Variants in UNC13C observed in about 807,000 individuals in gnomAD.
UNC13C encodes unc-13 homolog C.
In UNC13C, 174 loss-of-function variants were observed where a neutral mutation model predicts 245.4. The observed-to-expected ratio is 0.71, with a 90% confidence interval of 0.63 to 0.80. The LOEUF is 0.80. Ranked by LOEUF, UNC13C falls within the 30% of genes least tolerant of loss-of-function variation. UNC13C has a pLI of 0.00. For missense variants in UNC13C, 2,829 were observed against 2,602.9 expected (o/e 1.09, Z -1.89); for synonymous variants, 992 against 895.1 (o/e 1.11, Z -1.93).
chr15:54,225,561 T>C (rs1427228195), intron 4 of UNC13C, among the ~76,000 whole-genome samples: 1 of 152,214 alleles, frequency 6.6e-6, no homozygotes. Flanking sequence ...TTTTATTCTC[T>C]TCGTAGCAAA....
chr15:53,954,586 T>C, the UNC13C span, among the ~76,000 whole-genome samples: 1 of 152,328 alleles, frequency 6.6e-6, no homozygotes, highest in Non-Finnish European at 1.5e-5. Context: ...TGTCACCGTA[T>C]GTTTTCACAA....
intron 29 of UNC13C, among the ~76,000 whole-genome samples, chr15:54,561,094 A>G (rs530462043): frequency 1.3e-5 from 2 of 151,878 alleles, no homozygotes; most frequent in East Asian, 2.0e-4. Context: ...TCCCCAAGCA[A>G]TAGTTCAAAT....
chr15:54,161,547 A>G (rs542268743), intron 4 of UNC13C, among the ~76,000 whole-genome samples: 5 of 152,216 alleles, frequency 3.3e-5, no homozygotes, highest in African/African-American at 1.2e-4. Flanking sequence ...TTATATTGGG[A>G]ATAAATATCA....
At chr15:53,872,168 C>T in the UNC13C span, among the ~76,000 whole-genome samples, 1 of 152,140 alleles carries the variant, frequency 6.6e-6, no homozygotes, top group African/African-American at 2.4e-5. Context: ...TCAGTAGATT[C>T]CACCATATGC....
intron 31 of UNC13C, among the ~76,000 whole-genome samples, chr15:54,622,963 A>G (rs767389112): frequency 2.0e-5 from 3 of 152,196 alleles, no homozygotes; most frequent in Admixed American, 6.6e-5. Flanking sequence ...GGGCTGCCCA[A>G]TATATTTCAG....
chr15:54,614,384 T>C (rs1391019825), intron 30 of UNC13C, among the ~76,000 whole-genome samples: 2 of 151,944 alleles, frequency 1.3e-5, no homozygotes, highest in Admixed American at 6.6e-5. Flanking sequence ...TTCAAAGAAT[T>C]TGAATCTCTT....
At chr15:54,057,548 T>A (rs1897591230) in intron 2 of UNC13C, among the ~76,000 whole-genome samples, 1 of 151,978 alleles carries the variant, frequency 6.6e-6, no homozygotes, top group East Asian at 1.9e-4. Flanking sequence ...ATTAGACAGA[T>A]CAACAAGACA....
chr15:54,314,072 C>CAA (rs11316411), intron 13 of UNC13C, among the ~76,000 whole-genome samples: 1 of 137,838 alleles, frequency 7.3e-6, no homozygotes. Flanking sequence ...TATGTGGCAT[C>CAA]AAAAAAAAAA....
At chr15:54,426,591 G>C (rs1433235296) in intron 19 of UNC13C, among the ~76,000 whole-genome samples, 1 of 151,614 alleles carries the variant, frequency 6.6e-6, no homozygotes, top group Non-Finnish European at 1.5e-5. Context: ...CAAGTCATTA[G>C]GTCAAGTCTA....
At chr15:53,844,373 G>A in the UNC13C span, among the ~76,000 whole-genome samples, 5 of 152,144 alleles carry the variant, frequency 3.3e-5, no homozygotes, top group African/African-American at 1.2e-4. Context: ...CAATGAGAGA[G>A]AAATACTTTG....
chr15:54,609,954 C>T (rs560950011), intron 30 of UNC13C, among the ~76,000 whole-genome samples: 1 of 152,068 alleles, frequency 6.6e-6, no homozygotes, highest in Non-Finnish European at 1.5e-5. Context: ...CTCATGATAA[C>T]TCACTCACTG....
chr15:54,051,025 T>C (rs1897248093), intron 2 of UNC13C: 1 of 388,908 alleles, frequency 2.6e-6, no homozygotes, highest in African/African-American at 2.1e-5. Flanking sequence ...TCTTGACTAT[T>C]AGTCTTTTAA....
chr15:54,582,782 TGTTAAACAGGATAA>T (rs1291239062), intron 30 of UNC13C, among the ~76,000 whole-genome samples: 1 of 152,180 alleles, frequency 6.6e-6, no homozygotes, highest in Non-Finnish European at 1.5e-5. Flanking sequence ...CCTGACTCCT[TGTTAAACAGGATAA>T]TGGTTTTCAG....
In UNC13C at chr15:54,165,376, C is replaced by G. The variant is rs139503373; in HGVS notation, c.3071+21692C>G. ...TGTTATAAGCGCTATGTGTCAGGTACTAGTATTTTTTATCCCATTATTTCA... is the reference window on the plus strand; with the variant it reads ...TGTTATAAGCGCTATGTGTCAGGTAGTAGTATTTTTTATCCCATTATTTCA... On this transcript the variant is annotated intron_variant, in intron 4 of 32. Coordinates refer to ENST00000260323, the MANE Select transcript of UNC13C (RefSeq NM_001080534.3). Among the ~76,000 whole-genome samples the G allele has an allele frequency of 8.2e-3, 1,242 of 152,142 alleles. 20 individuals carry two copies. Among genetic ancestry groups the G allele is most frequent in the African/African-American group, 0.029 (1,186 of 41,510 alleles).
intron 1 of UNC13C, among the ~76,000 whole-genome samples, chr15:54,011,430 T>G (rs1011853650): frequency 6.6e-6 from 1 of 152,190 alleles, no homozygotes; most frequent in Non-Finnish European, 1.5e-5. Context: ...GACCAAAGAT[T>G]TTGGATTGAG....
chr15:54,433,254 A>G (rs1352483115), intron 19 of UNC13C, among the ~76,000 whole-genome samples: 1 of 152,108 alleles, frequency 6.6e-6, no homozygotes, highest in South Asian at 2.1e-4. Flanking sequence ...TCATCCTGAT[A>G]CCAAAACCTG....
chr15:54,436,899 A>G (rs1890251814), intron 19 of UNC13C, among the ~76,000 whole-genome samples: 1 of 151,976 alleles, frequency 6.6e-6, no homozygotes, highest in African/African-American at 2.4e-5. Context: ...CTATGCAGTT[A>G]TCGTATTAAT....
chr15:54,548,292 G>T (rs1460466067), intron 27 of UNC13C, among the ~76,000 whole-genome samples: 1 of 140,168 alleles, frequency 7.1e-6, no homozygotes, highest in African/African-American at 2.6e-5. Context: ...CGCGATCTCG[G>T]CTCACTGCAA....
chr15:54,305,056 A>G (rs2037691351), intron 13 of UNC13C, among the ~76,000 whole-genome samples: 1 of 152,106 alleles, frequency 6.6e-6, no homozygotes, highest in Non-Finnish European at 1.5e-5. Context: ...CACGACTTAC[A>G]AATTGAAATT....
Sources: allele counts gnomAD v4.1 joint callset (sites outside exome capture counted in the v4.1 genomes callset), GRCh38; gene constraint gnomAD v4.1.1; transcripts MANE v1.5; gene names NCBI Gene and HGNC (gene_info 2026-07-23, HGNC 2026-07-21).